PCDHGA4: variants seen among roughly 807,000 people sequenced by gnomAD.
PCDHGA4 encodes protocadherin gamma-A4.
A neutral mutation model predicts 54.6 loss-of-function variants in PCDHGA4; 38 were observed. The ratio of observed to expected loss-of-function variants is 0.70; its 90% CI spans 0.54 to 0.91. PCDHGA4 has a LOEUF of 0.91. Among genes scored for constraint, PCDHGA4 ranks in the 40% least tolerant of loss-of-function variants. The probability of loss-of-function intolerance (pLI) is 0.00; values close to 1 mark genes in which losing one functional copy is unlikely to be tolerated. For missense variants in PCDHGA4, 1,298 were observed against 1,220.9 expected (o/e 1.06, Z -0.94); for synonymous variants, 511 against 512.9 (o/e 1.00, Z 0.05).
rs1004061582 is a variant in PCDHGA4, at chr5:141,477,406, A to C, written c.2515-17401A>C. ...AATACAACCTCAGCATCACCGCCCG[A>C]GACGCCGGAACCCCTTCCCTCTCAG... On this transcript the variant is annotated intron_variant, in intron 1 of 3. Transcript: ENST00000571252. The surrounding 1 kb of genome is among the most constrained non-coding windows in gnomAD (Gnocchi z 4.9). 6.2e-7 allele frequency: 1 copy of C among 1,614,036 alleles called. No homozygotes were observed. Among genetic ancestry groups the C allele is most frequent in the Admixed American group, 1.7e-5 (1 of 59,994 alleles).
At chr5:141,383,054 T>G in intron 1 of PCDHGA4, 3 of 1,613,872 alleles carry the variant, frequency 1.9e-6, no homozygotes, top group Non-Finnish European at 2.5e-6. Context: ...GCCAAGGACC[T>G]GGGGCTGGAG....
intron 1 of PCDHGA4, chr5:141,423,556 G>A (rs926962652): frequency 2.5e-6 from 4 of 1,613,550 alleles, no homozygotes; most frequent in African/African-American, 2.7e-5. Flanking sequence ...GCCCAACTAT[G>A]GGGACACGCT....
At chr5:141,404,780 A>G (rs746373854) in intron 1 of PCDHGA4, 2 of 1,612,764 alleles carry the variant, frequency 1.2e-6, no homozygotes, top group African/African-American at 1.3e-5. Flanking sequence ...CCGCCTATTC[A>G]AGGCCAGTGA....
In PCDHGA4 at chr5:141,431,048, A is replaced by G; in HGVS notation, c.2515-63759A>G. The G allele has an allele frequency of 6.2e-7, 1 of 1,614,180 alleles. No homozygotes were observed. Among genetic ancestry groups the G allele is most frequent in the Non-Finnish European group, 8.5e-7 (1 of 1,180,018 alleles). The stretch of plus-strand genomic sequence containing the variant: ...CAGGATAGACCGGGAGGAGCTCTGT[A>G]TGGGGGCCATCAAGTGTCAATTAAA... On this transcript the variant is annotated intron_variant, in intron 1 of 3. Coordinates refer to ENST00000571252, the MANE Select transcript of PCDHGA4 (RefSeq NM_018917.4). This position sits in a 1 kb window ranked among gnomAD's most constrained non-coding sequence, Gnocchi z 4.8.
At chr5:141,395,374 T>A in intron 1 of PCDHGA4, 1 of 1,187,898 alleles carries the variant, frequency 8.4e-7, no homozygotes. Context: ...ATTTTGGTGG[T>A]GTTACTATAA....
At chr5:141,388,798 TA>T in intron 1 of PCDHGA4, 3 of 1,613,888 alleles carry the variant, frequency 1.9e-6, no homozygotes, top group Non-Finnish European at 2.5e-6. Flanking sequence ...TTAAATACAT[TA>T]GATTTTGAAG....
chr5:141,415,071 G>C (rs757356726), intron 1 of PCDHGA4: 5 of 1,613,422 alleles, frequency 3.1e-6, no homozygotes, highest in Non-Finnish European at 1.7e-6. Context: ...AGGTGCGCAC[G>C]GCGCGAGCCC....
At chr5:141,408,504 G>C (rs752297449) in intron 1 of PCDHGA4, 2 of 1,613,936 alleles carry the variant, frequency 1.2e-6, no homozygotes, top group Non-Finnish European at 1.7e-6. Context: ...GAGAGAAGAA[G>C]ATGTGAGTTG....
At chr5:141,401,478 T>A (rs2094159554) in intron 1 of PCDHGA4, among the ~76,000 whole-genome samples, 1 of 152,186 alleles carries the variant, frequency 6.6e-6, no homozygotes. Flanking sequence ...TTTATCCAGG[T>A]TTTCTTGGAT....
chr5:141,475,705 A>G (rs2099367264), intron 1 of PCDHGA4, among the ~76,000 whole-genome samples: 1 of 152,246 alleles, frequency 6.6e-6, no homozygotes. Flanking sequence ...CAGAACGGCT[A>G]GCCTCACAGC....
At chr5:141,396,683 T>G (rs1445621329) in intron 1 of PCDHGA4, 1 of 152,136 alleles carries the variant, frequency 6.6e-6, no homozygotes, top group Non-Finnish European at 1.5e-5. Context: ...ATTGTATTCC[T>G]GCATACCTTC....
At chr5:141,419,689 G>T in intron 1 of PCDHGA4, 1 of 1,613,000 alleles carries the variant, frequency 6.2e-7, no homozygotes, top group African/African-American at 1.3e-5. Context: ...ACGTGGTGCA[G>T]GCCAGTGAGC....
At chr5:141,419,702 G>T (rs116279995) in intron 1 of PCDHGA4, 2 of 1,612,834 alleles carry the variant, frequency 1.2e-6, no homozygotes, top group East Asian at 4.5e-5. Context: ...CAGTGAGCCC[G>T]GGCTCTTCAG....
rs1487863444 is a variant in PCDHGA4 at position 141,491,016 on chromosome 5, G to A, written c.2515-3791G>A. On this transcript the variant is annotated intron_variant, in intron 1 of 3. Transcript: ENST00000571252. This position sits in a 1 kb window ranked among gnomAD's most constrained non-coding sequence, Gnocchi z 6.9. ...CTCCTGGCTCCTTGGTCACCAAGGTGACAGCCGTGGATGCTGATGCAGGCC... is the reference window on the plus strand; with the variant it reads ...CTCCTGGCTCCTTGGTCACCAAGGTAACAGCCGTGGATGCTGATGCAGGCC... 2.5e-6 allele frequency: 4 copies of A among 1,614,136 alleles called. No individual in the cohort carries two copies. The African/African-American group carries it at 5.3e-5, about 22-fold the overall frequency.
intron 1 of PCDHGA4, chr5:141,372,338 T>A: frequency 6.2e-7 from 1 of 1,613,820 alleles, no homozygotes; most frequent in South Asian, 1.1e-5. Flanking sequence ...CTGTGCGTGA[T>A]GGAGGACAGC....
intron 1 of PCDHGA4, among the ~76,000 whole-genome samples, chr5:141,382,313 T>G (rs1490254305): frequency 1.3e-5 from 2 of 152,226 alleles, no homozygotes; most frequent in African/African-American, 4.8e-5. Flanking sequence ...TTATATACAC[T>G]GATGTAAATA....
intron 1 of PCDHGA4, chr5:141,414,637 A>G: frequency 5.6e-6 from 9 of 1,613,894 alleles, no homozygotes; most frequent in Non-Finnish European, 6.8e-6. Context: ...CAGCAAAGAG[A>G]ATGCCCAGAT....
rs1488506612 is a variant in PCDHGA4 at position 141,395,336 on chromosome 5, T to G, written c.2514+37715T>G. ...TTGTGAAGATAGTTGAAAATAATTTTTAAGGTGTATCACAGAGTTTTGGGT... is the reference window on the plus strand; with the variant it reads ...TTGTGAAGATAGTTGAAAATAATTTGTAAGGTGTATCACAGAGTTTTGGGT... On this transcript the variant is annotated intron_variant, in intron 1 of 3. Coordinates refer to ENST00000571252, the MANE Select transcript of PCDHGA4 (RefSeq NM_018917.4). 5 of 1,435,024 alleles carry G rather than the reference T, an allele frequency of 3.5e-6. No homozygotes were observed. In the African/African-American group the frequency reaches 4.3e-5, roughly 12 times the overall value. The allele number at this position is 1,435,024 out of a possible 1,614,324, so 88.9% of individuals were successfully genotyped here. A position where few individuals can be genotyped will look rare whatever the true frequency, so the allele number is the denominator to read the frequency against.
intron 1 of PCDHGA4, chr5:141,388,717 C>T (rs544297444): frequency 2.5e-6 from 4 of 1,614,022 alleles, no homozygotes; most frequent in Non-Finnish European, 3.4e-6. Context: ...GCCGAGATTA[C>T]TTTCTCTTTC....
Sources: gnomAD v4.1 joint callset for allele counts (sites outside exome capture counted in the v4.1 genomes callset) on GRCh38, gnomAD v4.1.1 for gene constraint, Gnocchi (gnomAD v3.1) non-coding constraint, MANE v1.5 for transcripts, NCBI Gene and HGNC (gene_info 2026-07-23, HGNC 2026-07-21) for gene names.